The following TTC9 variants were observed in gnomAD, a reference collection of about 807,000 sequenced individuals.
TTC9 encodes tetratricopeptide repeat protein 9A.
In TTC9, 13 loss-of-function variants were observed where a neutral mutation model predicts 22.9. The ratio of observed to expected loss-of-function variants is 0.57; its 90% confidence interval spans 0.37 to 0.90. The LOEUF is 0.90. TTC9 is among the 40% of genes least tolerant of loss of function. TTC9 has a pLI of 0.01. For missense variants in TTC9, 280 were observed against 291.8 expected (o/e 0.96, Z 0.29); for synonymous variants, 148 against 133.2 (o/e 1.11, Z -0.77).
chr14:70,653,757 C>G (rs1225032765), intron 1 of TTC9, among the ~76,000 whole-genome samples: 1 of 152,194 alleles, frequency 6.6e-6, no homozygotes, highest in East Asian at 1.9e-4. Flanking sequence ...CAGGCACTCT[C>G]ACAAGTCAGA....
chr14:70,662,433 A>G (rs1886157151), intron 1 of TTC9, among the ~76,000 whole-genome samples: 1 of 141,314 alleles, frequency 7.1e-6, no homozygotes, highest in African/African-American at 2.6e-5. Context: ...AAAAAAAAAA[A>G]TCCACACAGC....
At chr14:70,648,353 T>C (rs1885932894) in intron 1 of TTC9, among the ~76,000 whole-genome samples, 1 of 152,222 alleles carries the variant, frequency 6.6e-6, no homozygotes, top group African/African-American at 2.4e-5. Flanking sequence ...CATTACAAAT[T>C]TAGACACTGG....
At chr14:70,661,287 T>G (rs1000281620) in intron 1 of TTC9, among the ~76,000 whole-genome samples, 2 of 152,236 alleles carry the variant, frequency 1.3e-5, no homozygotes, top group East Asian at 3.8e-4. Context: ...TCATTTTAAC[T>G]TGATCATCTC....
intron 1 of TTC9, 64 bp downstream of exon 1, chr14:70,642,599 A>C: frequency 7.0e-7 from 1 of 1,425,054 alleles, no homozygotes; most frequent in Non-Finnish European, 9.3e-7. Context: ...TCCGCGGACC[A>C]CTGCGGCGCT....
chr14:70,656,933 C>T (rs1886075257), intron 1 of TTC9, among the ~76,000 whole-genome samples: 1 of 152,196 alleles, frequency 6.6e-6, no homozygotes, highest in African/African-American at 2.4e-5. Context: ...ACACCAAAGT[C>T]AAGGGTGAGA....
chr14:70,666,270 G>A (rs1349419284), intron 1 of TTC9, among the ~76,000 whole-genome samples: 1 of 152,160 alleles, frequency 6.6e-6, no homozygotes, highest in South Asian at 2.1e-4. Flanking sequence ...AAAGGGACAT[G>A]GTTTACTCAA....
chr14:70,651,832 C>T (rs879177969), intron 1 of TTC9, among the ~76,000 whole-genome samples: 3 of 152,092 alleles, frequency 2.0e-5, no homozygotes, highest in Admixed American at 2.0e-4. Context: ...CTAGAAATTC[C>T]GCATGTTGGA....
At chr14:70,669,397 A>G (rs1437771561) in intron 2 of TTC9, among the ~76,000 whole-genome samples, 1 of 151,988 alleles carries the variant, frequency 6.6e-6, no homozygotes, top group Non-Finnish European at 1.5e-5. Context: ...CTCCCACCTC[A>G]GCGTCCCCAG....
intron 1 of TTC9, among the ~76,000 whole-genome samples, chr14:70,647,299 A>G (rs909921253): frequency 6.6e-6 from 1 of 152,212 alleles, no homozygotes; most frequent in Non-Finnish European, 1.5e-5. Flanking sequence ...ACTTTTTTAT[A>G]TGTGTACTTT....
At chr14:70,662,964 G>A (rs1218282547) in intron 1 of TTC9, among the ~76,000 whole-genome samples, 1 of 152,148 alleles carries the variant, frequency 6.6e-6, no homozygotes, top group Admixed American at 6.5e-5. Flanking sequence ...AGAAAATATT[G>A]CAGAAATTCC....
At chr14:70,665,301 A>G (rs749908491) in intron 1 of TTC9, among the ~76,000 whole-genome samples, 2 of 152,076 alleles carry the variant, frequency 1.3e-5, no homozygotes, top group African/African-American at 2.4e-5. Context: ...CAAGTCACAC[A>G]CAGGTAGCAG....
chr14:70,642,536 G>A lies in TTC9; in HGVS notation c.406+1G>A. The stretch of plus-strand genomic sequence containing the variant: ...ATCGACTGTTACAACAGCCTGGCAG[G>A]TGAGCCGCGCCGCGCCCCCCGCGCC... On this transcript the variant is annotated splice_donor_variant, in intron 1 of 2. Transcript: ENST00000256367. LOFTEE classifies it high-confidence loss of function. The A allele has an allele frequency of 6.5e-7, 1 of 1,536,646 alleles. No homozygotes were observed. The highest frequency in any genetic ancestry group is 8.8e-7 in the Non-Finnish European group (1 of 1,142,264).
chr14:70,655,406 C>CAA (rs34595586), intron 1 of TTC9, among the ~76,000 whole-genome samples: 20,240 of 132,028 alleles, frequency 0.15, 1,612 homozygotes, highest in Non-Finnish European at 0.21. Context: ...TCTCAAGAAA[C>CAA]AAAAAAAAAA....
In TTC9 at chr14:70,672,477, A is replaced by G. The variant is rs1037906754; in HGVS notation, c.*1322A>G. ...TATTGTTTGCCCATCATTGTGCAAT[A>G]TGCTGTGGGACATGGGATGTCGTCT... On this transcript the variant is annotated 3_prime_UTR_variant, in exon 3 of 3. Transcript: ENST00000256367. The G allele has an allele frequency of 1.3e-5, 2 of 152,246 alleles. No individual in the cohort carries two copies. The highest frequency in any genetic ancestry group is 4.8e-5 in the African/African-American group (2 of 41,466). The allele number at this position is 152,246 out of a possible 1,614,324, so 9.4% of individuals were successfully genotyped here.
In TTC9 at chr14:70,657,529, G is replaced by T. The variant is rs752216393; in HGVS notation, c.407-10035G>T. 1.5e-4 allele frequency among the ~76,000 whole-genome samples: 23 copies of T among 152,342 alleles called. No individual in the cohort carries two copies. The Middle Eastern group carries it at 0.014, about 90-fold the overall frequency. ...ACTAGAATGGAAAAGTGGAAGGTCA[G>T]AAATTAATGTGAATGGAATCAAAGG... On this transcript the variant is annotated intron_variant, in intron 1 of 2. Coordinates refer to ENST00000256367, the MANE Select transcript of TTC9 (RefSeq NM_015351.2).
chr14:70,661,601 G>A (rs537735496), intron 1 of TTC9, among the ~76,000 whole-genome samples: 3 of 152,282 alleles, frequency 2.0e-5, no homozygotes, highest in East Asian at 1.9e-4. Context: ...AGTGGGTGGC[G>A]TTTTGCCCTG....
intron 1 of TTC9, among the ~76,000 whole-genome samples, chr14:70,658,609 C>A (rs967841570): frequency 2.0e-5 from 3 of 151,880 alleles, no homozygotes; most frequent in African/African-American, 4.8e-5. Context: ...AGAAATAGAG[C>A]AAAATTGCCT....
At chr14:70,649,948 A>G (rs1741636439) in intron 1 of TTC9, among the ~76,000 whole-genome samples, 2 of 152,156 alleles carry the variant, frequency 1.3e-5, no homozygotes, top group African/African-American at 2.4e-5. Flanking sequence ...CTGAATTTGT[A>G]TGGACAGTGG....
chr14:70,661,736 A>C (rs1886147164), intron 1 of TTC9, among the ~76,000 whole-genome samples: 1 of 152,140 alleles, frequency 6.6e-6, no homozygotes, highest in African/African-American at 2.4e-5. Context: ...GTCTGTGTGC[A>C]TGAGTGTCGC....
Sources: gnomAD v4.1 joint callset for allele counts (sites outside exome capture counted in the v4.1 genomes callset) on GRCh38, gnomAD v4.1.1 for gene constraint, MANE v1.5 for transcripts, NCBI Gene and HGNC (gene_info 2026-07-23, HGNC 2026-07-21) for gene names.